The following SOS1 variants were observed in gnomAD, a reference collection of about 807,000 sequenced individuals.
SOS1 encodes the protein SOS Ras/Rac guanine nucleotide exchange factor 1.
Under a neutral mutation model 157.6 loss-of-function variants are expected in SOS1, and 25 were observed. The observed-to-expected ratio is 0.16, with a 90% CI of 0.12 to 0.22. The LOEUF (loss-of-function observed/expected upper bound fraction) is 0.22. Ranked by LOEUF, SOS1 falls within the 10% of genes least tolerant of loss-of-function variation. SOS1 has a pLI of 1.00. For synonymous variants in SOS1, 528 were observed against 534.0 expected (o/e 0.99, Z 0.16); for missense variants, 1,237 against 1,599.1 (o/e 0.77, Z 3.86).
chr2:39,101,925 A>T (rs1672980389), intron 1 of SOS1, among the ~76,000 whole-genome samples: 1 of 151,988 alleles, frequency 6.6e-6, no homozygotes, highest in Admixed American at 6.6e-5. Flanking sequence ...GTACTACTTT[A>T]GGCCAGGCTC....
At chr2:39,049,112 T>A (rs1226681074) in intron 6 of SOS1, among the ~76,000 whole-genome samples, 1 of 152,136 alleles carries the variant, frequency 6.6e-6, no homozygotes, top group Non-Finnish European at 1.5e-5. Context: ...GAGATGGGGT[T>A]TCACCATATT....
chr2:39,003,320 C>G (rs1377839633), intron 17 of SOS1, among the ~76,000 whole-genome samples: 3 of 151,982 alleles, frequency 2.0e-5, no homozygotes, highest in East Asian at 3.8e-4. Flanking sequence ...AATTCTGTAG[C>G]AAGAAGGATG....
intron 8 of SOS1, among the ~76,000 whole-genome samples, chr2:39,030,364 G>T (rs899726038): frequency 3.3e-5 from 5 of 151,916 alleles, no homozygotes; most frequent in African/African-American, 1.2e-4. Flanking sequence ...AGGAGTTTGA[G>T]ATCAGCCTGG....
intron 1 of SOS1, among the ~76,000 whole-genome samples, chr2:39,072,031 T>G (rs1447493197): frequency 6.6e-6 from 1 of 152,188 alleles, no homozygotes; most frequent in Non-Finnish European, 1.5e-5. Flanking sequence ...AAGGCAGAAT[T>G]AATCTCATTC....
intron 1 of SOS1, among the ~76,000 whole-genome samples, chr2:39,106,432 T>C (rs1673186368): frequency 6.6e-6 from 1 of 150,476 alleles, no homozygotes; most frequent in African/African-American, 2.5e-5. Flanking sequence ...CTACTAAAAA[T>C]ACAAAAAAAT....
intron 5 of SOS1, among the ~76,000 whole-genome samples, chr2:39,052,421 C>T (rs1332454624): frequency 6.6e-6 from 1 of 152,112 alleles, no homozygotes; most frequent in African/African-American, 2.4e-5. Context: ...GATACAGTAC[C>T]TTTTCATCGT....
intron 1 of SOS1, among the ~76,000 whole-genome samples, chr2:39,105,973 T>A (rs1673161138): frequency 6.6e-6 from 1 of 152,098 alleles, no homozygotes; most frequent in South Asian, 2.1e-4. Flanking sequence ...TCCTAGCAAT[T>A]TGGGAGGCCC....
At chr2:39,065,571 T>C (rs1019683077) in intron 2 of SOS1, among the ~76,000 whole-genome samples, 5 of 152,232 alleles carry the variant, frequency 3.3e-5, no homozygotes, top group Non-Finnish European at 7.3e-5. Flanking sequence ...CTCTTTCAGA[T>C]GTCCTAATAT....
intron 6 of SOS1, among the ~76,000 whole-genome samples, chr2:39,050,355 G>T (rs545518847): frequency 6.6e-6 from 1 of 152,214 alleles, no homozygotes; most frequent in East Asian, 1.9e-4. Flanking sequence ...CCAGGTCCTG[G>T]ACCTTATTGT....
chr2:39,018,400 G>C (rs1432268844), intron 10 of SOS1, among the ~76,000 whole-genome samples: 1 of 151,686 alleles, frequency 6.6e-6, no homozygotes, highest in East Asian at 1.9e-4. Flanking sequence ...ATGTTCACTA[G>C]TTGCTCTGCT....
In SOS1 at chr2:39,007,057, C is replaced by T. The variant is rs1346595326; in HGVS notation, c.2647G>A (p.Val883Ile). The T allele has an allele frequency of 6.2e-6, 10 of 1,612,032 alleles. No homozygotes were observed. The highest frequency in any genetic ancestry group is 8.5e-6 in the Non-Finnish European group (10 of 1,178,276). Residue 883 changes from valine to isoleucine, a missense_variant, in exon 16 of 23, where the codon GTT becomes ATT. Val to Ile is a conservative substitution (Grantham distance 29). Around this residue, in one of 15 missense-constraint regions of SOS1, gnomAD observed 105 missense variants for 236.0 expected, o/e 0.44. Transcript: ENST00000402219. ...EVVSAMNSSP[V>I]YRLDHTFEQI... ...TCAAATGTGTGGTCTAGTCTGTAAA[C>T]AGGTGATGAATTCATAGCACTGACA...
In SOS1 at chr2:39,107,848, A is replaced by T. The variant is rs145969754; in HGVS notation, c.87+12488T>A. 3.2e-4 allele frequency among the ~76,000 whole-genome samples: 49 copies of T among 152,242 alleles called. No individual in the cohort carries two copies. The East Asian group carries it at 8.7e-3, about 27-fold the overall frequency. On this transcript the variant is annotated intron_variant, in intron 1 of 22. Transcript: ENST00000402219. ...TTGTAGTAGAAAGGCTTTGTGGAGGAGGTGGTGTTTGAAATGTACTTTAGA... is the reference window on the plus strand; with the variant it reads ...TTGTAGTAGAAAGGCTTTGTGGAGGTGGTGGTGTTTGAAATGTACTTTAGA...
Position 39,012,290 on chromosome 2 carries a change from A to C in SOS1, c.2226T>G (p.Ile742Met), listed in dbSNP as rs1422160829. 1 of 1,613,272 alleles carries C rather than the reference A, an allele frequency of 6.2e-7. No homozygotes were observed. The highest frequency in any genetic ancestry group is 8.5e-7 in the Non-Finnish European group (1 of 1,179,506). Residue 742 changes from isoleucine to methionine, a missense_variant, in exon 14 of 23, where the codon ATT (isoleucine) becomes ATG (methionine). Coordinates refer to ENST00000402219, the MANE Select transcript of SOS1 (RefSeq NM_005633.4). Reference sequence around the variant, plus strand: ...TATGACCTGGTCCATTGTCTCTTGCAATTTTTTTCCTTTGGATTATTTTAG... The same window carrying C: ...TATGACCTGGTCCATTGTCTCTTGCCATTTTTTTCCTTTGGATTATTTTAG... ...SITKIIQRKK[I>M]ARDNGPGHNI...
Position 39,013,468 on chromosome 2 carries a change from G to C in SOS1, c.2159C>G (p.Thr720Arg). 6.3e-7 allele frequency: 1 copy of C among 1,596,442 alleles called. No homozygotes were observed. The highest frequency in any genetic ancestry group is 8.6e-7 in the Non-Finnish European group (1 of 1,164,938). ...TAAAAAAAAAAACATACCTCTTACT[G>C]TTCCAATAAATTCTTCCATTCGTTG... ...LLQRMEEFIG[T>R]VRGKAMKKWV... is the part of the protein sequence containing the mutation. Residue 720 changes from threonine (T) to arginine (R), a missense_variant, in exon 13 of 23, where the codon ACA becomes AGA. By Grantham distance (71) the Thr-to-Arg change is moderately conservative (BLOSUM62 -1). This residue lies in a region of SOS1 where 42 missense variants were observed against 80.4 expected (regional missense o/e 0.52). Transcript: ENST00000402219.
At chr2:39,093,819 T>C (rs1039343555) in intron 1 of SOS1, among the ~76,000 whole-genome samples, 4 of 152,228 alleles carry the variant, frequency 2.6e-5, no homozygotes, top group Non-Finnish European at 4.4e-5. Flanking sequence ...TTTAAAAGGA[T>C]ACATTGCTAC....
intron 1 of SOS1, among the ~76,000 whole-genome samples, chr2:39,077,091 C>T (rs546049741): frequency 1.3e-5 from 2 of 152,030 alleles, no homozygotes; most frequent in East Asian, 3.9e-4. Flanking sequence ...GCCTGTAATC[C>T]CAGCACTTTG....
At chr2:39,087,227 AATC>A (rs1304881376) in intron 1 of SOS1, among the ~76,000 whole-genome samples, 1 of 152,214 alleles carries the variant, frequency 6.6e-6, no homozygotes, top group Non-Finnish European at 1.5e-5. Context: ...TTTCCAGATA[AATC>A]ATATTAATTA....
chr2:39,058,470 A>G (rs1391009669), intron 3 of SOS1, among the ~76,000 whole-genome samples: 1 of 152,024 alleles, frequency 6.6e-6, no homozygotes, highest in Non-Finnish European at 1.5e-5. Context: ...ATTGATATGA[A>G]ATTACTTTAA....
At chr2:39,064,325 TA>T (rs1184261832) in intron 2 of SOS1, among the ~76,000 whole-genome samples, 2 of 152,226 alleles carry the variant, frequency 1.3e-5, no homozygotes, top group African/African-American at 4.8e-5. Context: ...CAAGTGATGT[TA>T]ACACCTCTTA....
Sources: allele counts gnomAD v4.1 joint callset (sites outside exome capture counted in the v4.1 genomes callset), GRCh38; gene constraint gnomAD v4.1.1; regional missense constraint gnomAD v4.1.1; transcripts MANE v1.5; gene names NCBI Gene and HGNC (gene_info 2026-07-23, HGNC 2026-07-21).